RHBDL2: variants seen among roughly 807,000 people sequenced by gnomAD.
The protein encoded by RHBDL2 is rhomboid-related protein 2.
A neutral mutation model predicts 31.7 loss-of-function variants in RHBDL2; 26 were observed. The ratio of observed to expected loss-of-function variants is 0.82; its 90% confidence interval spans 0.60 to 1.14. The LOEUF is 1.14. Ranked by LOEUF, RHBDL2 falls within the 50% of genes most tolerant of loss-of-function variation. RHBDL2 has a pLI of 0.00. For missense variants in RHBDL2, 336 were observed against 364.4 expected (o/e 0.92, Z 0.63); for synonymous variants, 123 against 127.2 (o/e 0.97, Z 0.22).
At position 38,929,176 on chromosome 1, in the gene RHBDL2, T is replaced by C. The variant is rs946877662; in HGVS notation, c.-125-9839A>G. ...ATCCTTTCCTGTACTCTTAGCTCCC[T>C]CTTTTTCCTCCAGCTGCCTAGACAG... On this transcript the variant is annotated intron_variant, in intron 1 of 7. Transcript: ENST00000372990. Among the ~76,000 whole-genome samples the C allele has an allele frequency of 7.9e-5, 12 of 152,230 alleles. 1 individual carries two copies. The highest frequency in any genetic ancestry group is 7.2e-4 in the Admixed American group (11 of 15,286).
chr1:38,927,314 C>A (rs1030417117), intron 1 of RHBDL2, among the ~76,000 whole-genome samples: 2 of 152,134 alleles, frequency 1.3e-5, no homozygotes, highest in Non-Finnish European at 2.9e-5. Flanking sequence ...GTAGTCCCAG[C>A]TACTCGGGAG....
Position 38,900,446 on chromosome 1 carries a change from C to A in RHBDL2, c.509-4377G>T, listed in dbSNP as rs1345542366. Among the ~76,000 whole-genome samples, 6 of 152,162 alleles carry A rather than the reference C, an allele frequency of 3.9e-5. No individual in the cohort carries two copies. The South Asian group carries it at 1.2e-3, about 32-fold the overall frequency. On this transcript the variant is annotated intron_variant, in intron 4 of 7. Transcript: ENST00000372990. The stretch of plus-strand genomic sequence containing the variant: ...GACCAGCCTGGCCAACATGGCGAAA[C>A]CCCATCTCCACTAAAAACACAAAAA...
At chr1:38,902,783 G>T (rs1643012316) in intron 4 of RHBDL2, among the ~76,000 whole-genome samples, 1 of 151,336 alleles carries the variant, frequency 6.6e-6, no homozygotes, top group Non-Finnish European at 1.5e-5. Flanking sequence ...AAACTCCTGG[G>T]CTCAATGATC....
chr1:38,919,137 C>A lies in RHBDL2; in HGVS notation c.76G>T (p.Glu26Ter). The change falls in exon 2 of 8, where the codon GAA becomes TAA. Residue 26 changes from glutamate (E) to a stop codon, truncating the protein, a stop_gained. Transcript: ENST00000372990. LOFTEE classifies it high-confidence loss of function. ...MGREMKEELE[E>*]EEKMREDGGG... ...CCATCCTCTCTCATTTTCTCCTCTT[C>A]CTCCAGCTCTTCTTTCATCTCTCTC... The A allele has an allele frequency of 6.2e-7, 1 of 1,614,134 alleles. No homozygotes were observed. The highest frequency in any genetic ancestry group is 8.5e-7 in the Non-Finnish European group (1 of 1,180,022).
intron 1 of RHBDL2, among the ~76,000 whole-genome samples, chr1:38,924,770 G>A (rs1643355123): frequency 6.8e-6 from 1 of 146,214 alleles, no homozygotes; most frequent in Non-Finnish European, 1.5e-5. Flanking sequence ...GTTGAAAAGA[G>A]ATTTCTTTTT....
rs756816017 is a variant in RHBDL2, at chr1:38,919,090, C to G, written c.123G>C (p.Lys41Asn). The change falls in exon 2 of 8, where the codon AAG becomes AAC. Residue 41 changes from lysine to asparagine, a missense_variant. Physicochemically the swap from Lys to Asn is moderately conservative, Grantham distance 94. Coordinates refer to ENST00000372990, the MANE Select transcript of RHBDL2 (RefSeq NM_017821.5). ...AGACAATCCTGTGGACCTTTTTACT[C>G]TTGGCCCGATCTTTACCTCCCCCAT... ...REDGGGKDRA[K>N]SKKVHRIVSK... 6.8e-6 allele frequency: 11 copies of G among 1,614,158 alleles called. No homozygotes were observed. In the South Asian group the frequency reaches 1.2e-4, roughly 18 times the overall value.
At chr1:38,901,841 A>T (rs1570918970) in intron 4 of RHBDL2, among the ~76,000 whole-genome samples, 1 of 148,938 alleles carries the variant, frequency 6.7e-6, no homozygotes, top group African/African-American at 2.4e-5. Context: ...CAAAAAAAAT[A>T]AAATAAATAA....
intron 1 of RHBDL2, chr1:38,929,476 T>C (rs1217328368): frequency 7.8e-7 from 1 of 1,289,474 alleles, no homozygotes; most frequent in Non-Finnish European, 1.0e-6. Context: ...CAGACACTTT[T>C]AGTTGTGAGC....
chr1:38,910,821 G>C (rs182737499), intron 4 of RHBDL2, among the ~76,000 whole-genome samples: 1 of 147,246 alleles, frequency 6.8e-6, no homozygotes, highest in Non-Finnish European at 1.5e-5. Flanking sequence ...GCCCAGGCTA[G>C]AGTGTGGAGT....
chr1:38,912,703 G>A (rs1358090912), intron 3 of RHBDL2, among the ~76,000 whole-genome samples: 2 of 151,206 alleles, frequency 1.3e-5, no homozygotes, highest in African/African-American at 4.9e-5. Flanking sequence ...TTACAGGTGT[G>A]AGCCACTGCT....
chr1:38,900,891 T>C (rs1642980242), intron 4 of RHBDL2, among the ~76,000 whole-genome samples: 1 of 149,862 alleles, frequency 6.7e-6, no homozygotes, highest in African/African-American at 2.5e-5. Context: ...CTACTAAAAA[T>C]ACAAAAATTA....
intron 1 of RHBDL2, among the ~76,000 whole-genome samples, chr1:38,935,076 T>C (rs1050812212): frequency 2.6e-5 from 4 of 152,180 alleles, no homozygotes; most frequent in African/African-American, 9.7e-5. Context: ...TTTGTCATAG[T>C]CTTTGTTAGA....
At chr1:38,932,720 G>A (rs9970122) in intron 1 of RHBDL2, among the ~76,000 whole-genome samples, 8,581 of 152,198 alleles carry the variant, frequency 0.056, 800 homozygotes, top group African/African-American at 0.19. Flanking sequence ...TTGGCCTCCT[G>A]AAGTGCTGGA....
chr1:38,938,514 C>T (rs1012997285), intron 1 of RHBDL2, among the ~76,000 whole-genome samples: 2 of 152,116 alleles, frequency 1.3e-5, no homozygotes, highest in African/African-American at 2.4e-5. Flanking sequence ...TTTTCATGAG[C>T]TCCTCCCTCT....
intron 5 of RHBDL2, 52 bp from the exon 6 acceptor site, chr1:38,893,276 C>T: frequency 1.2e-6 from 1 of 851,230 alleles, no homozygotes; most frequent in South Asian, 1.5e-5. Context: ...ACAAATGAAA[C>T]CTCAACTCTA....
intron 4 of RHBDL2, among the ~76,000 whole-genome samples, chr1:38,897,097 A>G (rs1642927498): frequency 6.6e-6 from 1 of 151,740 alleles, no homozygotes; most frequent in African/African-American, 2.4e-5. Flanking sequence ...TTAAACTTTG[A>G]AGAATCTTTT....
intron 1 of RHBDL2, among the ~76,000 whole-genome samples, chr1:38,936,562 C>T (rs1476050191): frequency 4.7e-5 from 7 of 148,428 alleles, no homozygotes; most frequent in African/African-American, 1.5e-4. Flanking sequence ...TGCAATGGCG[C>T]GATCTCAGCT....
chr1:38,908,324 C>T (rs991353963), intron 4 of RHBDL2, among the ~76,000 whole-genome samples: 2 of 151,800 alleles, frequency 1.3e-5, no homozygotes, highest in African/African-American at 4.8e-5. Context: ...ACCAGCCTGA[C>T]CAACATGGAG....
rs183283738 is a variant in RHBDL2, at chr1:38,918,941, C to T, written c.246+26G>A. Reference sequence around the variant, plus strand: ...CCCAGCTTCCCCATGCCACTTACCCCGGTGCCCACCCCGCTCCCCATTCAC... The same window carrying T: ...CCCAGCTTCCCCATGCCACTTACCCTGGTGCCCACCCCGCTCCCCATTCAC... On this transcript the variant is annotated intron_variant, in intron 2 of 7. Transcript: ENST00000372990. 4.7e-5 allele frequency: 75 copies of T among 1,600,066 alleles called. 1 individual carries two copies. In the East Asian group the frequency reaches 5.6e-4, roughly 12 times the overall value.
Sources: allele counts gnomAD v4.1 joint callset (sites outside exome capture counted in the v4.1 genomes callset), GRCh38; gene constraint gnomAD v4.1.1; transcripts MANE v1.5; gene names NCBI Gene and HGNC (gene_info 2026-07-23, HGNC 2026-07-21).